ADAMTSL1: variants seen among roughly 807,000 people sequenced by gnomAD.
The protein encoded by ADAMTSL1 is ADAMTS-like protein 1.
ADAMTSL1 carries 126 observed loss-of-function variants against 201.8 expected under a neutral mutation model. That is an observed-to-expected ratio of 0.62 (90% CI 0.54 to 0.72). The LOEUF (loss-of-function observed/expected upper bound fraction) is 0.72, where lower values mean the gene tolerates loss of function less well. ADAMTSL1 is among the 30% of genes least tolerant of loss of function. ADAMTSL1 has a pLI of 0.00. For missense variants in ADAMTSL1, 2,679 were observed against 2,277.8 expected (o/e 1.18, Z -3.59); for synonymous variants, 1,121 against 903.4 (o/e 1.24, Z -4.32).
intron 24 of ADAMTSL1, 63 bp downstream of exon 24, chr9:18,888,106 C>T (rs1357603218): frequency 1.3e-6 from 2 of 1,510,600 alleles, no homozygotes; most frequent in Non-Finnish European, 1.8e-6. Flanking sequence ...GGGAATCTAA[C>T]TATCTAGCAG....
intron 1 of ADAMTSL1, among the ~76,000 whole-genome samples, chr9:18,485,668 G>T (rs79977103): frequency 0.012 from 1,831 of 152,318 alleles, 34 homozygotes; most frequent in African/African-American, 0.042. Context: ...GGCATTGCCA[G>T]CAGAGGGACT....
chr9:18,755,443 C>A (rs1588049867), intron 16 of ADAMTSL1, among the ~76,000 whole-genome samples: 1 of 152,186 alleles, frequency 6.6e-6, no homozygotes, highest in South Asian at 2.1e-4. Flanking sequence ...TCCTTATAGG[C>A]CCTGAAAATG....
At chr9:18,350,892 A>G (rs1835936558) in intron 2 of ADAMTSL1, among the ~76,000 whole-genome samples, 1 of 152,142 alleles carries the variant, frequency 6.6e-6, no homozygotes, top group South Asian at 2.1e-4. Flanking sequence ...CTATTAGGAG[A>G]AAAGGTGGCA....
At chr9:18,148,124 A>G (rs191983101) in intron 1 of ADAMTSL1, among the ~76,000 whole-genome samples, 64 of 152,248 alleles carry the variant, frequency 4.2e-4, no homozygotes, top group African/African-American at 1.5e-3. Context: ...CCCTAGAAAC[A>G]TAGTAATGTG....
intron 1 of ADAMTSL1, among the ~76,000 whole-genome samples, chr9:18,057,147 T>C (rs1822228490): frequency 6.6e-6 from 1 of 152,218 alleles, no homozygotes; most frequent in Admixed American, 6.5e-5. Flanking sequence ...GCGGTTTTTC[T>C]AGTATGTGGT....
chr9:18,860,156 G>C (rs916080348), intron 23 of ADAMTSL1, among the ~76,000 whole-genome samples: 1 of 152,228 alleles, frequency 6.6e-6, no homozygotes, highest in Non-Finnish European at 1.5e-5. Flanking sequence ...AAAGTAACAA[G>C]TTGGATCTTT....
At chr9:18,297,154 A>T (rs543528263) in intron 2 of ADAMTSL1, among the ~76,000 whole-genome samples, 49 of 152,202 alleles carry the variant, frequency 3.2e-4, no homozygotes, top group African/African-American at 9.4e-4. Context: ...TAATTAAGTC[A>T]GCCCGTATTA....
rs554176772 is a variant in ADAMTSL1 at position 17,942,392 on chromosome 9, A to G, written c.87+35470A>G. ...ATCTGTTGATACCTAGAAATTATCA[A>G]TGTAATCTTTTGTTTCATAAATGAT... On this transcript the variant is annotated intron_variant, in intron 1 of 29. Transcript: ENST00000680146. 8.5e-5 allele frequency among the ~76,000 whole-genome samples: 13 copies of G among 152,298 alleles called. No homozygotes were observed. In the South Asian group the frequency reaches 2.1e-3, roughly 24 times the overall value.
intron 14 of ADAMTSL1, among the ~76,000 whole-genome samples, chr9:18,710,138 C>T (rs557399446): frequency 1.3e-5 from 2 of 152,324 alleles, no homozygotes; most frequent in East Asian, 3.9e-4. Context: ...GCTTCCCACA[C>T]TCCCAGTTCC....
chr9:18,179,039 C>G (rs534440264), intron 2 of ADAMTSL1, among the ~76,000 whole-genome samples: 1 of 151,924 alleles, frequency 6.6e-6, no homozygotes, highest in Non-Finnish European at 1.5e-5. Flanking sequence ...ATGACTTTGA[C>G]GAGCTGAGAG....
At chr9:18,535,959 C>T (rs1008402911) in intron 3 of ADAMTSL1, among the ~76,000 whole-genome samples, 2 of 152,110 alleles carry the variant, frequency 1.3e-5, no homozygotes, top group African/African-American at 2.4e-5. Flanking sequence ...CAAATCATAT[C>T]AGACTCTGAC....
chr9:18,682,032 A>T (rs887730348), intron 12 of ADAMTSL1, 73 bp downstream of exon 12: 53 of 1,480,842 alleles, frequency 3.6e-5, no homozygotes, highest in Non-Finnish European at 4.7e-5. Flanking sequence ...AACTCCTTGG[A>T]ATATTTTTAA....
At chr9:18,348,983 C>G (rs1210583880) in intron 2 of ADAMTSL1, among the ~76,000 whole-genome samples, 1 of 152,120 alleles carries the variant, frequency 6.6e-6, no homozygotes, top group Non-Finnish European at 1.5e-5. Flanking sequence ...ACCATGAAGG[C>G]AAGTACTACT....
chr9:18,255,958 C>T (rs1189059063), intron 2 of ADAMTSL1, among the ~76,000 whole-genome samples: 3 of 152,210 alleles, frequency 2.0e-5, no homozygotes, highest in Non-Finnish European at 4.4e-5. Flanking sequence ...ACTTTCGCCC[C>T]CATCAAAGAG....
intron 1 of ADAMTSL1, among the ~76,000 whole-genome samples, chr9:18,051,645 C>A (rs904891059): frequency 1.3e-5 from 2 of 151,530 alleles, no homozygotes; most frequent in Non-Finnish European, 2.9e-5. Context: ...GTAAATGGCA[C>A]ATGCCTATCC....
intron 1 of ADAMTSL1, among the ~76,000 whole-genome samples, chr9:17,933,190 C>T (rs10963345): frequency 0.01 from 1,546 of 152,246 alleles, 12 homozygotes; most frequent in Non-Finnish European, 0.017. Context: ...GGATCTGTTC[C>T]TTGCTGCTTC....
intron 2 of ADAMTSL1, among the ~76,000 whole-genome samples, chr9:18,387,207 T>C (rs1052784593): frequency 1.5e-4 from 23 of 152,114 alleles, no homozygotes; most frequent in African/African-American, 4.6e-4. Context: ...AACTGTTTTA[T>C]TGTGAAATAT....
intron 1 of ADAMTSL1, among the ~76,000 whole-genome samples, chr9:18,476,191 G>A (rs1238831376): frequency 6.6e-6 from 1 of 152,112 alleles, no homozygotes; most frequent in Admixed American, 6.6e-5. Flanking sequence ...AACAGCATTA[G>A]TAATAGCTGT....
chr9:18,850,756 T>G (rs1826442153), intron 23 of ADAMTSL1, among the ~76,000 whole-genome samples: 1 of 152,254 alleles, frequency 6.6e-6, no homozygotes, highest in Admixed American at 6.5e-5. Flanking sequence ...TACCGTTTTA[T>G]TAACTTACTC....
Sources: allele counts gnomAD v4.1 joint callset (sites outside exome capture counted in the v4.1 genomes callset), GRCh38; gene constraint gnomAD v4.1.1; transcripts MANE v1.5; gene names NCBI Gene and HGNC (gene_info 2026-07-23, HGNC 2026-07-21).